NRXN3: variants seen among roughly 807,000 people sequenced by gnomAD.
The protein encoded by NRXN3 is neurexin 3, also known as neurexin III.
A neutral mutation model predicts 137.6 loss-of-function variants in NRXN3; 32 were observed. The ratio of observed to expected loss-of-function variants is 0.23; its 90% confidence interval spans 0.18 to 0.31. The LOEUF (loss-of-function observed/expected upper bound fraction) is 0.31. Among genes scored for constraint, NRXN3 ranks in the 10% least tolerant of loss-of-function variants. The pLI is 1.00. For missense variants in NRXN3, 1,574 were observed against 2,062.5 expected, an observed-to-expected ratio of 0.76 and a Z score of 4.59; for synonymous variants, 798 against 784.5, an observed-to-expected ratio of 1.02 and a Z score of -0.29.
At chr14:78,437,106 A>T (rs1598650143) in intron 4 of NRXN3, among the ~76,000 whole-genome samples, 1 of 152,306 alleles carries the variant, frequency 6.6e-6, no homozygotes, top group Non-Finnish European at 1.5e-5. Context: ...GATGATCAAG[A>T]GGCTGTCCTT....
intron 19 of NRXN3, among the ~76,000 whole-genome samples, chr14:79,734,307 C>G (rs1486406140): frequency 6.6e-6 from 1 of 152,156 alleles, no homozygotes; most frequent in Non-Finnish European, 1.5e-5. Context: ...GGGACCAAGA[C>G]AGGATGTAGG....
chr14:78,476,980 C>T (rs2095391101), intron 4 of NRXN3, among the ~76,000 whole-genome samples: 1 of 152,156 alleles, frequency 6.6e-6, no homozygotes. Flanking sequence ...CTGCAGCAGC[C>T]AGTGGAAATG....
intron 19 of NRXN3, among the ~76,000 whole-genome samples, chr14:79,719,602 G>A (rs947331939): frequency 2.6e-5 from 4 of 151,686 alleles, no homozygotes; most frequent in Admixed American, 1.3e-4. Context: ...GAATATATAC[G>A]TATTGTAGAA....
intron 16 of NRXN3, among the ~76,000 whole-genome samples, chr14:79,586,989 G>A (rs1172626336): frequency 6.6e-6 from 1 of 152,142 alleles, no homozygotes; most frequent in Non-Finnish European, 1.5e-5. Context: ...GTAACTGAGA[G>A]CTCCTACTCT....
At chr14:79,120,492 G>A (rs1295996547) in intron 15 of NRXN3, among the ~76,000 whole-genome samples, 2 of 151,738 alleles carry the variant, frequency 1.3e-5, no homozygotes, top group African/African-American at 2.4e-5. Context: ...TTATCTAGTT[G>A]GTCAGTATAC....
At chr14:78,887,544 A>G (rs914096367) in intron 10 of NRXN3, among the ~76,000 whole-genome samples, 1 of 152,002 alleles carries the variant, frequency 6.6e-6, no homozygotes, top group African/African-American at 2.4e-5. Context: ...TTTTTCCCCC[A>G]GTATTCAAGA....
chr14:79,404,488 G>A (rs980059434), intron 15 of NRXN3, among the ~76,000 whole-genome samples: 16 of 152,064 alleles, frequency 1.1e-4, no homozygotes, highest in Admixed American at 2.6e-4. Flanking sequence ...AGAAAACCCC[G>A]AAGAATAGGG....
chr14:78,218,354 G>T (rs568025261), intron 1 of NRXN3, among the ~76,000 whole-genome samples: 3 of 152,040 alleles, frequency 2.0e-5, no homozygotes, highest in African/African-American at 7.2e-5. Flanking sequence ...AGACCCTATC[G>T]CTCTCTTTTT....
At chr14:79,716,342 C>G (rs145849294) in intron 19 of NRXN3, among the ~76,000 whole-genome samples, 2 of 152,186 alleles carry the variant, frequency 1.3e-5, no homozygotes, top group Admixed American at 1.3e-4. Context: ...AGGGACCATA[C>G]ACATTGAACA....
chr14:78,585,031 G>C (rs1480349710), intron 4 of NRXN3, among the ~76,000 whole-genome samples: 2 of 151,026 alleles, frequency 1.3e-5, no homozygotes, highest in Non-Finnish European at 2.9e-5. Context: ...TTCTCATGGG[G>C]TTGATTTCCT....
At chr14:79,585,632 C>T (rs562480027) in intron 16 of NRXN3, among the ~76,000 whole-genome samples, 18 of 133,324 alleles carry the variant, frequency 1.4e-4, no homozygotes, top group African/African-American at 4.8e-4. Flanking sequence ...TTGCAGTGAG[C>T]GGAGATTGTG....
intron 15 of NRXN3, among the ~76,000 whole-genome samples, chr14:79,345,712 G>A (rs1029261526): frequency 3.8e-4 from 58 of 152,096 alleles, no homozygotes; most frequent in Non-Finnish European, 6.8e-4. Context: ...AAAAGTGTGT[G>A]GCACCTCCCT....
intron 4 of NRXN3, among the ~76,000 whole-genome samples, chr14:78,366,124 G>C (rs1567376863): frequency 6.6e-6 from 1 of 152,184 alleles, no homozygotes; most frequent in Non-Finnish European, 1.5e-5. Context: ...AGGATGTTTT[G>C]AGAATTAAGT....
chr14:78,385,879 G>A (rs2089899924), intron 4 of NRXN3, among the ~76,000 whole-genome samples: 1 of 152,106 alleles, frequency 6.6e-6, no homozygotes, highest in Non-Finnish European at 1.5e-5. Context: ...CAAATGTCAA[G>A]ACTGAACCTT....
intron 4 of NRXN3, among the ~76,000 whole-genome samples, chr14:78,461,502 T>C (rs2094919682): frequency 6.6e-6 from 1 of 152,168 alleles, no homozygotes. Context: ...ATGCAACTCA[T>C]TTTGCATGGA....
At position 78,330,943 on chromosome 14, in the gene NRXN3, T is replaced by C. The variant is rs78396913; in HGVS notation, c.757+33083T>C. On this transcript the variant is annotated intron_variant, in intron 4 of 20. Transcript: ENST00000335750. ...CCCCTTATTAAATAAAATATATCAGTACATTTCCTAACATTTCCCAGTTTT... is the reference window on the plus strand; with the variant it reads ...CCCCTTATTAAATAAAATATATCAGCACATTTCCTAACATTTCCCAGTTTT... Among the ~76,000 whole-genome samples, 328 of 152,316 alleles carry C rather than the reference T, an allele frequency of 2.2e-3. 13 individuals are homozygous for C. In the East Asian group the frequency reaches 0.056, roughly 26 times the overall value.
In NRXN3 at chr14:78,709,206, G is replaced by T. The variant is rs1283905546; in HGVS notation, c.1222-11G>T. On this transcript the variant is annotated splice_polypyrimidine_tract_variant and intron_variant, in intron 6 of 20. Transcript: ENST00000335750. ...TTGATTCACATGGCACTTTTGTTTG[G>T]CTTTTGACAGGTTGTTTATAAGAAT... 5 of 1,602,926 alleles carry T rather than the reference G, an allele frequency of 3.1e-6. No individual in the cohort carries two copies. Among genetic ancestry groups the T allele is most frequent in the Non-Finnish European group, 3.4e-6 (4 of 1,174,312 alleles).
chr14:78,487,123 C>T (rs1307634568), intron 4 of NRXN3, among the ~76,000 whole-genome samples: 1 of 152,106 alleles, frequency 6.6e-6, no homozygotes, highest in Non-Finnish European at 1.5e-5. Flanking sequence ...GGCTTTAGAT[C>T]TATGATATGA....
chr14:78,245,888 G>A (rs2067603161), intron 2 of NRXN3, among the ~76,000 whole-genome samples: 1 of 152,164 alleles, frequency 6.6e-6, no homozygotes, highest in South Asian at 2.1e-4. Flanking sequence ...GTGGGGAAGA[G>A]GCAACCCCAG....
Sources: allele counts gnomAD v4.1 joint callset (sites outside exome capture counted in the v4.1 genomes callset), GRCh38; gene constraint gnomAD v4.1.1; transcripts MANE v1.5; gene names NCBI Gene and HGNC (gene_info 2026-07-23, HGNC 2026-07-21).